Variants in CDH12 observed in about 807,000 individuals in gnomAD.
CDH12 encodes cadherin-12.
CDH12 carries 41 observed loss-of-function variants against 74.1 expected under a neutral mutation model. The observed-to-expected ratio is 0.55, with a 90% CI of 0.43 to 0.72. The LOEUF is 0.72. CDH12 is among the 30% of genes least tolerant of loss of function. The pLI, the probability that CDH12 is intolerant of heterozygous loss-of-function variation, is 0.00. For missense variants in CDH12, 945 were observed against 977.2 expected (o/e 0.97, Z 0.44); for synonymous variants, 399 against 355.0 (o/e 1.12, Z -1.39).
intron 1 of CDH12, among the ~76,000 whole-genome samples, chr5:22,545,077 T>C (rs1309127653): frequency 6.6e-6 from 1 of 151,872 alleles, no homozygotes; most frequent in Admixed American, 6.6e-5. Context: ...TAGTGATGGG[T>C]TTTTACAAGA....
At chr5:22,145,482 T>C (rs960769704) in intron 4 of CDH12, among the ~76,000 whole-genome samples, 20 of 152,086 alleles carry the variant, frequency 1.3e-4, no homozygotes, top group African/African-American at 4.6e-4. Context: ...CAAATTCATA[T>C]TGACTCTCCA....
At chr5:22,784,565 T>C (rs111778911) in intron 1 of CDH12, among the ~76,000 whole-genome samples, 11 of 152,298 alleles carry the variant, frequency 7.2e-5, no homozygotes, top group African/African-American at 1.7e-4. Context: ...AAAGTCCTAC[T>C]AAAATTGTTC....
intron 3 of CDH12, among the ~76,000 whole-genome samples, chr5:22,287,279 A>G (rs1737181781): frequency 6.6e-6 from 1 of 152,194 alleles, no homozygotes; most frequent in East Asian, 1.9e-4. Context: ...ATGCGAAATA[A>G]TATTAGCTTT....
In CDH12 at chr5:22,718,821, C is replaced by G. The variant is rs374325713; in HGVS notation, c.-523+134237G>C. 4.6e-5 allele frequency among the ~76,000 whole-genome samples: 7 copies of G among 152,248 alleles called. No individual in the cohort carries two copies. The East Asian group carries it at 5.8e-4, about 13-fold the overall frequency. On this transcript the variant is annotated intron_variant, in intron 1 of 14. Coordinates refer to ENST00000382254, the MANE Select transcript of CDH12 (RefSeq NM_004061.5). ...CTAGGGGGCATTCCTCTGTGTATTG[C>G]CATGCATTGTGGCCAAAAGATGCTA...
chr5:22,424,048 G>GAA (rs1208254020), intron 2 of CDH12, among the ~76,000 whole-genome samples: 1 of 104,826 alleles, frequency 9.5e-6, no homozygotes. Context: ...GAAAAAGAAA[G>GAA]AAAAAAAAAA....
intron 4 of CDH12, among the ~76,000 whole-genome samples, chr5:22,104,412 T>C (rs1744315100): frequency 6.7e-6 from 1 of 150,354 alleles, no homozygotes; most frequent in African/African-American, 2.5e-5. Context: ...TATTGCTTTA[T>C]TTTAAGTCAA....
chr5:22,701,464 T>A (rs1181954866), intron 1 of CDH12, among the ~76,000 whole-genome samples: 1 of 152,150 alleles, frequency 6.6e-6, no homozygotes, highest in Non-Finnish European at 1.5e-5. Flanking sequence ...CAGGACTTCT[T>A]GTCCTGAAAA....
At chr5:22,472,267 C>G (rs1745990995) in intron 2 of CDH12, among the ~76,000 whole-genome samples, 1 of 152,092 alleles carries the variant, frequency 6.6e-6, no homozygotes, top group East Asian at 1.9e-4. Flanking sequence ...CCAGAGAAGC[C>G]TGACTAAACT....
At chr5:22,653,115 C>T (rs1209614450) in intron 1 of CDH12, among the ~76,000 whole-genome samples, 2 of 152,042 alleles carry the variant, frequency 1.3e-5, no homozygotes, top group Non-Finnish European at 2.9e-5. Flanking sequence ...TTAATATATC[C>T]TATCAATAAT....
intron 10 of CDH12, among the ~76,000 whole-genome samples, chr5:21,788,258 A>G (rs4470726): frequency 0.047 from 7,145 of 152,218 alleles, 252 homozygotes; most frequent in East Asian, 0.14. Flanking sequence ...CTTCCTGCAC[A>G]TGATATTTGG....
chr5:22,339,251 TA>T (rs1360608295), intron 3 of CDH12, among the ~76,000 whole-genome samples: 7 of 152,226 alleles, frequency 4.6e-5, no homozygotes, highest in Non-Finnish European at 5.9e-5. Context: ...GCTGAGTGAC[TA>T]AACAGACAAA....
chr5:22,065,799 C>T (rs967291765), intron 5 of CDH12, among the ~76,000 whole-genome samples: 5 of 152,064 alleles, frequency 3.3e-5, no homozygotes, highest in African/African-American at 9.7e-5. Flanking sequence ...CTTGTTGTAG[C>T]GATCAATGGC....
chr5:22,672,121 AT>A (rs386403267), intron 1 of CDH12, among the ~76,000 whole-genome samples: 2 of 126,018 alleles, frequency 1.6e-5, no homozygotes, highest in African/African-American at 3.0e-5. Flanking sequence ...ATAAATATAT[AT>A]TATTTTATAT....
In CDH12 at chr5:22,327,392, A is replaced by G. The variant is rs528899662; in HGVS notation, c.-333+77865T>C. ...TTTTGTATTAAAATGGCAGCTTACCATGAGAGCCACTGACCGGGAGATAAA... is the reference window on the plus strand; with the variant it reads ...TTTTGTATTAAAATGGCAGCTTACCGTGAGAGCCACTGACCGGGAGATAAA... On this transcript the variant is annotated intron_variant, in intron 3 of 14. Coordinates refer to ENST00000382254, the MANE Select transcript of CDH12 (RefSeq NM_004061.5). Among the ~76,000 whole-genome samples the G allele has an allele frequency of 1.6e-3, 242 of 151,216 alleles. 4 individuals carry two copies. Among genetic ancestry groups the G allele is most frequent in the African/African-American group, 5.8e-3 (238 of 41,184 alleles).
chr5:22,586,348 G>T (rs1740400460), intron 1 of CDH12, among the ~76,000 whole-genome samples: 2 of 151,890 alleles, frequency 1.3e-5, no homozygotes, highest in East Asian at 1.9e-4. Flanking sequence ...TGGGGTGGGG[G>T]GAGTGAGGAG....
chr5:22,626,088 G>A (rs1738275522), intron 1 of CDH12, among the ~76,000 whole-genome samples: 1 of 151,904 alleles, frequency 6.6e-6, no homozygotes, highest in African/African-American at 2.4e-5. Context: ...CAGCCATGGT[G>A]CTCCCGCCAC....
intron 3 of CDH12, among the ~76,000 whole-genome samples, chr5:22,251,546 T>C (rs1011622149): frequency 6.6e-6 from 1 of 152,222 alleles, no homozygotes; most frequent in African/African-American, 2.4e-5. Flanking sequence ...AACTTCTCTG[T>C]GCCTCACTTC....
At chr5:21,853,411 C>T (rs1750578923) in intron 7 of CDH12, among the ~76,000 whole-genome samples, 1 of 151,530 alleles carries the variant, frequency 6.6e-6, no homozygotes, top group Non-Finnish European at 1.5e-5. Context: ...TTAAACTCTA[C>T]CCTCTTTTCA....
intron 4 of CDH12, among the ~76,000 whole-genome samples, chr5:22,193,744 A>G (rs2150348637): frequency 6.6e-6 from 1 of 151,700 alleles, no homozygotes; most frequent in Middle Eastern, 3.4e-3. Context: ...TATAGAAGAA[A>G]AACCCACGAG....
Sources: allele counts gnomAD v4.1 joint callset (sites outside exome capture counted in the v4.1 genomes callset), GRCh38; gene constraint gnomAD v4.1.1; transcripts MANE v1.5; gene names NCBI Gene and HGNC (gene_info 2026-07-23, HGNC 2026-07-21).